Variants in GLIS3 observed in about 807,000 individuals in gnomAD.
GLIS3 encodes the protein GLIS family zinc finger 3.
In GLIS3, 53 loss-of-function variants were observed where a neutral mutation model predicts 78.6. The ratio of observed to expected loss-of-function variants is 0.67; its 90% CI spans 0.54 to 0.85. GLIS3 has a LOEUF of 0.85. Among genes scored for constraint, GLIS3 ranks in the 40% least tolerant of loss-of-function variants. GLIS3 has a pLI of 0.00. For synonymous variants in GLIS3, 684 were observed against 509.9 expected (o/e 1.34, Z -4.60); for missense variants, 1,703 against 1,231.1 (o/e 1.38, Z -5.74).
At chr9:4,216,910 G>C (rs746570425) in intron 2 of GLIS3, among the ~76,000 whole-genome samples, 1 of 152,146 alleles carries the variant, frequency 6.6e-6, no homozygotes, top group African/African-American at 2.4e-5. Flanking sequence ...AATTGAAATT[G>C]ATCTGATTTG....
intron 2 of GLIS3, among the ~76,000 whole-genome samples, chr9:4,338,946 G>T (rs1400943579): frequency 6.6e-6 from 1 of 152,078 alleles, no homozygotes; most frequent in African/African-American, 2.4e-5. Context: ...AACACACAAG[G>T]ACACAAAGCC....
chr9:4,170,067 G>A (rs1425574304), intron 2 of GLIS3, among the ~76,000 whole-genome samples: 1 of 152,120 alleles, frequency 6.6e-6, no homozygotes, highest in Non-Finnish European at 1.5e-5. Context: ...TATAGAAACT[G>A]CCTTAAACCA....
At chr9:4,451,288 A>C in the GLIS3 span, among the ~76,000 whole-genome samples, 1 of 152,224 alleles carries the variant, frequency 6.6e-6, no homozygotes, top group Non-Finnish European at 1.5e-5. Context: ...CAATTCAATA[A>C]GAAGAGCTAA....
At chr9:4,361,493 T>C in the GLIS3 span, among the ~76,000 whole-genome samples, 2 of 152,212 alleles carry the variant, frequency 1.3e-5, no homozygotes, top group African/African-American at 4.8e-5. Context: ...CCCGTTCCCT[T>C]CCATTCTCTA....
At chr9:4,019,236 C>CT (rs1194132076) in intron 4 of GLIS3, among the ~76,000 whole-genome samples, 5 of 152,182 alleles carry the variant, frequency 3.3e-5, no homozygotes, top group Non-Finnish European at 5.9e-5. Context: ...GTGCTCTCAT[C>CT]TTTGTGACTC....
At chr9:4,426,001 G>T in the GLIS3 span, among the ~76,000 whole-genome samples, 3 of 152,162 alleles carry the variant, frequency 2.0e-5, no homozygotes, top group Non-Finnish European at 4.4e-5. Context: ...TAGAGAAACT[G>T]AGGCATCTTA....
chr9:4,062,980 C>T (rs997139653), intron 4 of GLIS3, among the ~76,000 whole-genome samples: 10 of 151,554 alleles, frequency 6.6e-5, no homozygotes, highest in Non-Finnish European at 1.5e-4. Context: ...AGTATGCAAA[C>T]GACACAAATT....
chr9:3,849,552 T>A (rs1171307761), intron 9 of GLIS3, among the ~76,000 whole-genome samples: 1 of 152,116 alleles, frequency 6.6e-6, no homozygotes, highest in Non-Finnish European at 1.5e-5. Flanking sequence ...GGAGGAGGCA[T>A]GGGCACTGCT....
At chr9:4,146,112 T>G (rs1834204364) in intron 2 of GLIS3, among the ~76,000 whole-genome samples, 1 of 152,208 alleles carries the variant, frequency 6.6e-6, no homozygotes, top group South Asian at 2.1e-4. Flanking sequence ...CCTGATTTTG[T>G]CAAATTCAGT....
chr9:4,410,774 A>G, the GLIS3 span, among the ~76,000 whole-genome samples: 2,959 of 152,326 alleles, frequency 0.019, 51 homozygotes, highest in Non-Finnish European at 0.028. Context: ...GCTCATATTT[A>G]ACTGCCAGCC....
At chr9:4,277,125 C>A (rs552110203) in intron 2 of GLIS3, among the ~76,000 whole-genome samples, 7 of 152,282 alleles carry the variant, frequency 4.6e-5, no homozygotes, top group South Asian at 2.1e-4. Context: ...CCACTATTAT[C>A]CCAGTTCTAA....
At chr9:4,157,753 T>C (rs931063941) in intron 2 of GLIS3, among the ~76,000 whole-genome samples, 1 of 152,164 alleles carries the variant, frequency 6.6e-6, no homozygotes, top group Non-Finnish European at 1.5e-5. Context: ...ATGAGGAGCA[T>C]GTTATCCAAG....
At chr9:4,385,465 AC>A in the GLIS3 span, among the ~76,000 whole-genome samples, 1 of 152,134 alleles carries the variant, frequency 6.6e-6, no homozygotes. Context: ...GGAGTCCGAG[AC>A]CAGCTTGGCC....
chr9:3,953,148 A>G (rs1457741400), intron 4 of GLIS3, among the ~76,000 whole-genome samples: 4 of 152,202 alleles, frequency 2.6e-5, no homozygotes, highest in Non-Finnish European at 5.9e-5. Flanking sequence ...AAATTTAGCC[A>G]TATCTTTAGT....
intron 4 of GLIS3, among the ~76,000 whole-genome samples, chr9:3,960,963 G>C (rs899703513): frequency 5.3e-5 from 8 of 152,268 alleles, no homozygotes; most frequent in African/African-American, 9.6e-5. Context: ...TTGCTGAATG[G>C]TGTAATTGGC....
intron 9 of GLIS3, among the ~76,000 whole-genome samples, chr9:3,837,419 T>C (rs1253241059): frequency 6.6e-6 from 1 of 152,226 alleles, no homozygotes; most frequent in Non-Finnish European, 1.5e-5. Flanking sequence ...TGTCCTCTTA[T>C]ATTTACCCAA....
exon 4 of GLIS3, chr9:4,308,934 G>T (rs1817293733): frequency 6.6e-6 from 1 of 152,200 alleles, no homozygotes; most frequent in Non-Finnish European, 1.5e-5. Flanking sequence ...CAACTTTAGG[G>T]TAGTCACTTA....
chr9:3,838,008 G>T (rs1408376698), intron 9 of GLIS3, among the ~76,000 whole-genome samples: 1 of 151,884 alleles, frequency 6.6e-6, no homozygotes, highest in African/African-American at 2.4e-5. Context: ...GGTGGGGGGA[G>T]GAGGGTGTGT....
At chr9:4,146,912 A>G (rs1834265677) in intron 2 of GLIS3, among the ~76,000 whole-genome samples, 1 of 152,334 alleles carries the variant, frequency 6.6e-6, no homozygotes, top group East Asian at 1.9e-4. Flanking sequence ...ATTACGTTCG[A>G]CTTTTAAAAA....
Sources: allele counts gnomAD v4.1 joint callset (sites outside exome capture counted in the v4.1 genomes callset), GRCh38; gene constraint gnomAD v4.1.1; transcripts MANE v1.5; gene names NCBI Gene and HGNC (gene_info 2026-07-23, HGNC 2026-07-21).